The following PITRM1 variants were observed in gnomAD, a reference collection of about 807,000 sequenced individuals.
PITRM1 encodes the protein presequence protease, mitochondrial.
A neutral mutation model predicts 129.9 loss-of-function variants in PITRM1; 100 were observed. The observed-to-expected ratio is 0.77, with a 90% CI of 0.65 to 0.91. The LOEUF (loss-of-function observed/expected upper bound fraction) is 0.91. Among genes scored for constraint, PITRM1 ranks in the 40% least tolerant of loss-of-function variants. The pLI, the probability that PITRM1 is intolerant of heterozygous loss-of-function variation, is 0.00. For synonymous variants in PITRM1, 591 were observed against 508.8 expected, an observed-to-expected ratio of 1.16 and a Z score of -2.17; for missense variants, 1,471 against 1,318.3, an observed-to-expected ratio of 1.12 and a Z score of -1.79.
chr10:3,157,324 C>T, intron 12 of PITRM1, 111 bp downstream of exon 12: 2 of 673,722 alleles, frequency 3.0e-6, no homozygotes, highest in Non-Finnish European at 4.9e-6. Flanking sequence ...TAAACCCTTA[C>T]CCATTTAAAG....
chr10:3,160,635 G>A (rs1842366914), intron 7 of PITRM1, among the ~76,000 whole-genome samples: 1 of 152,126 alleles, frequency 6.6e-6, no homozygotes, highest in African/African-American at 2.4e-5. Context: ...TGCTATTCCT[G>A]GCTTCAGGCA....
chr10:3,171,644 G>A (rs904571776), intron 1 of PITRM1, among the ~76,000 whole-genome samples: 2 of 152,228 alleles, frequency 1.3e-5, no homozygotes, highest in East Asian at 3.9e-4. Context: ...TCACCATGTC[G>A]GCCAGGCTGG....
In PITRM1 at chr10:3,165,312, G is replaced by A; in HGVS notation, c.556C>T (p.His186Tyr). The A allele has an allele frequency of 6.3e-7, 1 of 1,590,780 alleles. No homozygotes were observed. Among genetic ancestry groups the A allele is most frequent in the Non-Finnish European group, 8.6e-7 (1 of 1,168,654 alleles). The part of the protein sequence containing the change: ...DFWQEGWRLE[H>Y]ENPSDPQTPL... ...GTCTGGGGGTCGCTCGGATTCTCAT[G>A]TTCCAGCCGCCATCCTTCCTGCCTG... Residue 186 changes from histidine (H) to tyrosine (Y), a missense_variant, in exon 6 of 27, where the codon CAT becomes TAT. Transcript: ENST00000224949.
In PITRM1 at chr10:3,158,153, T is replaced by C; in HGVS notation, c.1137A>G (p.Gly379=). Residue 379 remains glycine (G), a splice_region_variant and synonymous_variant, in exon 11 of 27, where the codon GGA becomes GGG. Coordinates refer to ENST00000224949, the MANE Select transcript of PITRM1 (RefSeq NM_014889.4). The part of the protein sequence containing the change: ...GLGTDFSPDV[G]YNGYTREAYF... ...AGGCCTCCCTCGTGTAGCCATTATA[T>C]CTAGAAGACAAAACCAGAAATGATG... 2 of 1,553,754 alleles carry C rather than the reference T, an allele frequency of 1.3e-6. No homozygotes were observed. The highest frequency in any genetic ancestry group is 2.3e-5 in the South Asian group (2 of 88,478).
rs1840797338 is a variant in PITRM1, at chr10:3,145,769, G to A, written c.2337-53C>T. ...ACCACTGTTAGAAAAAACAGTTTTAGTAATTCATCACATTTTGTATAACTC... is the reference window on the plus strand; with the variant it reads ...ACCACTGTTAGAAAAAACAGTTTTAATAATTCATCACATTTTGTATAACTC... On this transcript the variant is annotated intron_variant, in intron 20 of 26. Transcript: ENST00000224949. 26 of 1,322,004 alleles carry A rather than the reference G, an allele frequency of 2.0e-5. No homozygotes were observed. The South Asian group carries it at 2.5e-4, about 13-fold the overall frequency. 81.9% of individuals were successfully genotyped at this position (1,322,004 alleles called of 1,614,324 possible).
chr10:3,168,915 TACAC>T (rs61366911), intron 2 of PITRM1, among the ~76,000 whole-genome samples: 11,883 of 141,940 alleles, frequency 0.084, 483 homozygotes, highest in Middle Eastern at 0.099. Context: ...AGTTTCCATC[TACAC>T]ACACACACAC....
chr10:3,150,098 C>T (rs1841355446), intron 15 of PITRM1, among the ~76,000 whole-genome samples: 1 of 151,882 alleles, frequency 6.6e-6, no homozygotes, highest in Non-Finnish European at 1.5e-5. Flanking sequence ...CCGTCCTCAG[C>T]GCTGCTCATC....
chr10:3,140,090 A>G (rs1351363503), intron 24 of PITRM1, among the ~76,000 whole-genome samples: 1 of 152,150 alleles, frequency 6.6e-6, no homozygotes, highest in Non-Finnish European at 1.5e-5. Flanking sequence ...TCCTATACCT[A>G]TGATAAAGTT....
chr10:3,159,187 G>C (rs753238402), intron 9 of PITRM1, 145 bp from the exon 10 acceptor site: 1 of 770,722 alleles, frequency 1.3e-6, no homozygotes, highest in Non-Finnish European at 2.1e-6. Flanking sequence ...GAGCAGAAGA[G>C]AATTTTCCTT....
intron 6 of PITRM1, among the ~76,000 whole-genome samples, chr10:3,164,591 T>C (rs1842711290): frequency 6.6e-6 from 1 of 152,196 alleles, no homozygotes; most frequent in African/African-American, 2.4e-5. Flanking sequence ...TAGGCATAAA[T>C]GCGTTTTAAT....
chr10:3,158,068 T>C lies in PITRM1; in HGVS notation c.1222A>G (p.Ile408Val), dbSNP rs1162628616. 1 of 1,609,242 alleles carries C rather than the reference T, an allele frequency of 6.2e-7. No homozygotes were observed. ...ACTACTTCATCAATCGTTCTGTCTA[T>C]GAGGCTTCTGACGGTCTCAATGTCT... ...EKDIETVRSL[I>V]DRTIDEVVEK... The change falls in exon 11 of 27, where the codon ATA becomes GTA. Residue 408 changes from isoleucine (I) to valine (V), a missense_variant. Coordinates refer to ENST00000224949, the MANE Select transcript of PITRM1 (RefSeq NM_014889.4).
chr10:3,151,220 C>T (rs76088740), intron 15 of PITRM1, 27 bp downstream of exon 15: 56,248 of 1,286,458 alleles, frequency 0.044, 1,352 homozygotes, highest in Admixed American at 0.055. Context: ...ACCCGAGACC[C>T]GGGAAAAGCG....
intron 9 of PITRM1, among the ~76,000 whole-genome samples, chr10:3,159,445 C>T (rs563441030): frequency 7.2e-5 from 11 of 152,308 alleles, no homozygotes; most frequent in Admixed American, 5.9e-4. Flanking sequence ...TGGTTCCGAC[C>T]TAGTCTCGTG....
chr10:3,163,889 G>C lies in PITRM1; in HGVS notation c.631-4C>G. 6.3e-7 allele frequency: 1 copy of C among 1,583,980 alleles called. No homozygotes were observed. On this transcript the variant is annotated splice_region_variant and splice_polypyrimidine_tract_variant and intron_variant, in intron 6 of 26. Transcript: ENST00000224949. ...AGAATATCCTCTCATTGTCTGTCTT[G>C]AAACGTAAAATAAATAAATCATAAG...
intron 7 of PITRM1, among the ~76,000 whole-genome samples, chr10:3,160,786 G>A (rs1257653633): frequency 1.3e-5 from 2 of 149,904 alleles, no homozygotes; most frequent in African/African-American, 4.9e-5. Flanking sequence ...TTGAGATGGA[G>A]TCTCGCCCCG....
chr10:3,163,911 T>C, intron 6 of PITRM1, 26 bp from the exon 7 acceptor site: 10 of 1,525,670 alleles, frequency 6.6e-6, no homozygotes, highest in Non-Finnish European at 9.0e-6. Context: ...AAATAAATCA[T>C]AAGTATACAT....
intron 8 of PITRM1, 33 bp from the exon 9 acceptor site, chr10:3,159,969 A>C: frequency 2.7e-6 from 4 of 1,473,224 alleles, no homozygotes; most frequent in Non-Finnish European, 3.7e-6. Context: ...GAGTAGGCAC[A>C]GTGTCTGACG....
chr10:3,147,852 G>T, intron 18 of PITRM1, 115 bp from the exon 19 acceptor site: 2 of 1,191,720 alleles, frequency 1.7e-6, no homozygotes, highest in African/African-American at 1.5e-5. Context: ...AATTTTATAA[G>T]TCCATATGAA....
intron 21 of PITRM1, among the ~76,000 whole-genome samples, chr10:3,144,736 T>C (rs1263641533): frequency 2.0e-5 from 3 of 152,082 alleles, no homozygotes; most frequent in African/African-American, 7.2e-5. Flanking sequence ...GCCCAGGAGG[T>C]CACGGCTACA....
Sources: gnomAD v4.1 joint callset for allele counts (sites outside exome capture counted in the v4.1 genomes callset) on GRCh38, gnomAD v4.1.1 for gene constraint, MANE v1.5 for transcripts, NCBI Gene and HGNC (gene_info 2026-07-23, HGNC 2026-07-21) for gene names.